Variants in SCFD2 observed in about 807,000 individuals in gnomAD.
SCFD2 encodes sec1 family domain containing 2.
SCFD2 carries 54 observed loss-of-function variants against 58.9 expected under a neutral mutation model. That is an observed-to-expected ratio of 0.92 (90% confidence interval 0.74 to 1.15). The LOEUF is 1.15. SCFD2 is among the 50% of genes most tolerant of loss of function. The pLI is 0.00. For missense variants in SCFD2, 805 were observed against 836.6 expected (o/e 0.96, Z 0.47); for synonymous variants, 321 against 335.9 (o/e 0.96, Z 0.49).
chr4:52,918,798 A>G (rs952197215), intron 6 of SCFD2, among the ~76,000 whole-genome samples: 14 of 152,184 alleles, frequency 9.2e-5, no homozygotes, highest in Non-Finnish European at 1.2e-4. Context: ...GAGCTCCCCA[A>G]GAAGCGGACC....
At chr4:53,199,684 C>T (rs1211098290) in intron 4 of SCFD2, among the ~76,000 whole-genome samples, 3 of 152,072 alleles carry the variant, frequency 2.0e-5, no homozygotes, top group African/African-American at 4.8e-5. Flanking sequence ...ATGAACTTCC[C>T]AGCTGGCGAA....
intron 7 of SCFD2, among the ~76,000 whole-genome samples, chr4:52,890,741 C>A (rs977528487): frequency 6.6e-6 from 1 of 152,148 alleles, no homozygotes; most frequent in African/African-American, 2.4e-5. Flanking sequence ...CAGTTTCCTT[C>A]CACTATTCCA....
chr4:53,191,140 G>A (rs1243237585), intron 4 of SCFD2, among the ~76,000 whole-genome samples: 1 of 151,954 alleles, frequency 6.6e-6, no homozygotes, highest in East Asian at 1.9e-4. Flanking sequence ...TTGAGGTCAG[G>A]AGTTCAAGAC....
intron 7 of SCFD2, among the ~76,000 whole-genome samples, chr4:52,897,995 G>A (rs897354388): frequency 1.3e-5 from 2 of 152,128 alleles, no homozygotes; most frequent in African/African-American, 2.4e-5. Context: ...TGGGATTGGT[G>A]GTGATATCCC....
intron 5 of SCFD2, among the ~76,000 whole-genome samples, chr4:53,044,431 T>G (rs1324096584): frequency 6.6e-6 from 1 of 152,120 alleles, no homozygotes; most frequent in Non-Finnish European, 1.5e-5. Flanking sequence ...TCTCAGCACC[T>G]GGTTTCTGGA....
chr4:53,191,143 T>A (rs1727880427), intron 4 of SCFD2, among the ~76,000 whole-genome samples: 1 of 150,508 alleles, frequency 6.6e-6, no homozygotes, highest in Non-Finnish European at 1.5e-5. Flanking sequence ...AGGTCAGGAG[T>A]TCAAGACGAG....
intron 4 of SCFD2, among the ~76,000 whole-genome samples, chr4:53,215,207 G>A (rs1273600689): frequency 6.6e-6 from 1 of 152,090 alleles, no homozygotes. Context: ...TTGGTAGCTT[G>A]ATGGGGATGG....
intron 4 of SCFD2, among the ~76,000 whole-genome samples, chr4:53,202,149 A>C (rs572675492): frequency 1.1e-3 from 163 of 152,088 alleles, no homozygotes; most frequent in African/African-American, 3.6e-3. Flanking sequence ...TAGGGTTTTT[A>C]TGGTTTTAGG....
intron 4 of SCFD2, among the ~76,000 whole-genome samples, chr4:53,171,508 G>A (rs1461703289): frequency 6.6e-6 from 1 of 152,072 alleles, no homozygotes; most frequent in East Asian, 1.9e-4. Context: ...CTCTGGCTTT[G>A]GTACCAAGAT....
chr4:52,974,232 C>T (rs1577872187), intron 5 of SCFD2, among the ~76,000 whole-genome samples: 2 of 152,230 alleles, frequency 1.3e-5, no homozygotes, highest in Non-Finnish European at 1.5e-5. Context: ...GTCAAATTGT[C>T]CCTGTTTGCA....
chr4:53,287,117 T>C (rs896357108), intron 3 of SCFD2, among the ~76,000 whole-genome samples: 2 of 152,150 alleles, frequency 1.3e-5, no homozygotes, highest in Non-Finnish European at 2.9e-5. Context: ...TCTAAGCTAC[T>C]AGGGAGTGCC....
At chr4:53,250,048 G>C (rs1290593693) in intron 4 of SCFD2, among the ~76,000 whole-genome samples, 1 of 152,076 alleles carries the variant, frequency 6.6e-6, no homozygotes, top group Non-Finnish European at 1.5e-5. Context: ...GCTGTATTCA[G>C]GAAACCCATC....
intron 5 of SCFD2, among the ~76,000 whole-genome samples, chr4:52,940,245 G>A (rs1395257959): frequency 6.6e-6 from 1 of 152,184 alleles, no homozygotes; most frequent in African/African-American, 2.4e-5. Context: ...CAAGAGGCCT[G>A]AGCCCCTTTA....
intron 5 of SCFD2, among the ~76,000 whole-genome samples, chr4:53,070,510 T>A (rs1723784792): frequency 1.3e-5 from 2 of 152,214 alleles, no homozygotes; most frequent in East Asian, 3.9e-4. Flanking sequence ...TGTTTAGGAA[T>A]CATTTAAGTA....
intron 7 of SCFD2, among the ~76,000 whole-genome samples, chr4:52,906,385 G>C (rs1719349406): frequency 6.6e-6 from 1 of 152,242 alleles, no homozygotes; most frequent in Non-Finnish European, 1.5e-5. Context: ...GTCTAGTCTG[G>C]AAGTTTCTGT....
intron 6 of SCFD2, among the ~76,000 whole-genome samples, chr4:52,911,367 A>T (rs1337086405): frequency 6.6e-6 from 1 of 152,216 alleles, no homozygotes; most frequent in Non-Finnish European, 1.5e-5. Context: ...GGAATGAAAC[A>T]TCCAGGAGAA....
At position 53,298,843 on chromosome 4, in the gene SCFD2, G is replaced by T. The variant is rs370895713; in HGVS notation, c.1135+14793C>A. Among the ~76,000 whole-genome samples the T allele has an allele frequency of 1.6e-4, 24 of 152,334 alleles. 1 individual carries two copies. In the South Asian group the frequency reaches 2.1e-3, roughly 13 times the overall value. On this transcript the variant is annotated intron_variant, in intron 3 of 8. Coordinates refer to ENST00000401642, the MANE Select transcript of SCFD2 (RefSeq NM_152540.4). ...GATACCCAGGCAAAAAGGGTCTGGAGTGGACCTCCAGTAAACTCCCACAGA... is the reference window on the plus strand; with the variant it reads ...GATACCCAGGCAAAAAGGGTCTGGATTGGACCTCCAGTAAACTCCCACAGA...
chr4:52,943,235 C>CAAAAT (rs1720337739), intron 5 of SCFD2, among the ~76,000 whole-genome samples: 1 of 151,034 alleles, frequency 6.6e-6, no homozygotes, highest in Non-Finnish European at 1.5e-5. Context: ...CAAAACAAAA[C>CAAAAT]AAAACAAAAC....
At chr4:52,993,665 C>T (rs551253405) in intron 5 of SCFD2, among the ~76,000 whole-genome samples, 5 of 152,302 alleles carry the variant, frequency 3.3e-5, no homozygotes, top group African/African-American at 1.2e-4. Context: ...AAAAATGCCA[C>T]TCCACTCATA....
Sources: gnomAD v4.1 joint callset for allele counts (sites outside exome capture counted in the v4.1 genomes callset) on GRCh38, gnomAD v4.1.1 for gene constraint, MANE v1.5 for transcripts, NCBI Gene and HGNC (gene_info 2026-07-23, HGNC 2026-07-21) for gene names.